Variants in DAB1 observed in about 807,000 individuals in gnomAD.
DAB1 encodes disabled homolog 1.
Under a neutral mutation model 64.6 loss-of-function variants are expected in DAB1, and 15 were observed. The observed-to-expected ratio is 0.23, with a 90% CI of 0.16 to 0.36. The LOEUF is 0.36. Among genes scored for constraint, DAB1 ranks in the 10% least tolerant of loss-of-function variants. The probability of loss-of-function intolerance (pLI) is 1.00; values close to 1 mark genes in which losing one functional copy is unlikely to be tolerated. For synonymous variants in DAB1, 235 were observed against 251.9 expected (o/e 0.93, Z 0.64); for missense variants, 596 against 706.7 (o/e 0.84, Z 1.78).
At chr1:58,512,969 T>C (rs1646104567) in intron 2 of DAB1, among the ~76,000 whole-genome samples, 1 of 152,164 alleles carries the variant, frequency 6.6e-6, no homozygotes, top group Admixed American at 6.5e-5. Flanking sequence ...AATACTCAGT[T>C]TATCACAAGT....
intron 5 of DAB1, among the ~76,000 whole-genome samples, chr1:58,031,066 T>G (rs2100479580): frequency 6.6e-6 from 1 of 152,144 alleles, no homozygotes; most frequent in South Asian, 2.1e-4. Context: ...TTGAGCTGGG[T>G]TTTGAAGGTT....
At chr1:58,013,087 C>T (rs1017347133) in intron 5 of DAB1, among the ~76,000 whole-genome samples, 2 of 152,162 alleles carry the variant, frequency 1.3e-5, no homozygotes, top group African/African-American at 4.8e-5. Flanking sequence ...GGGTTCTGGA[C>T]AGTGGAACAC....
intron 1 of DAB1, among the ~76,000 whole-genome samples, chr1:57,419,430 T>C (rs530004493): frequency 3.3e-5 from 5 of 151,318 alleles, no homozygotes; most frequent in Non-Finnish European, 1.5e-5. Flanking sequence ...AATTTTAACA[T>C]GATGTGTACT....
chr1:58,224,437 T>C lies in DAB1; in HGVS notation n.310-73849A>G, dbSNP rs769143687. ...AAAACAATGATGCTTATTGATAAGA[T>C]GAACAGCAACAATGCTTTATTTCTC... is the stretch of plus-strand genomic sequence containing the variant. On this transcript the variant is annotated intron_variant and non_coding_transcript_variant, in intron 4 of 20. Transcript: ENST00000485760. 9.6e-4 allele frequency among the ~76,000 whole-genome samples: 146 copies of C among 152,340 alleles called. 1 individual carries two copies. The highest frequency in any genetic ancestry group is 1.8e-3 in the Non-Finnish European group (120 of 68,026).
At chr1:58,334,631 T>TATC (rs1557734048) in intron 4 of DAB1, among the ~76,000 whole-genome samples, 11 of 83,222 alleles carry the variant, frequency 1.3e-4, no homozygotes, top group Middle Eastern at 5.6e-3. Context: ...TATATTATAT[T>TATC]ATATCATATC....
chr1:58,358,691 A>G (rs1448893093), intron 3 of DAB1, among the ~76,000 whole-genome samples: 1 of 152,230 alleles, frequency 6.6e-6, no homozygotes, highest in Admixed American at 6.5e-5. Flanking sequence ...CAGCCTCCCA[A>G]CTGAGAACTG....
At chr1:57,398,520 C>T (rs543479902) in intron 1 of DAB1, among the ~76,000 whole-genome samples, 1 of 152,200 alleles carries the variant, frequency 6.6e-6, no homozygotes, top group South Asian at 2.1e-4. Context: ...TATTTTTCTC[C>T]CCTTTGGGAA....
chr1:57,013,128 C>G (rs1240195800), intron 12 of DAB1, among the ~76,000 whole-genome samples: 2 of 152,246 alleles, frequency 1.3e-5, no homozygotes, highest in Non-Finnish European at 2.9e-5. Context: ...GCCTCTGAAA[C>G]AAAGAATTAT....
intron 3 of DAB1, among the ~76,000 whole-genome samples, chr1:58,504,059 CCT>C (rs1645948894): frequency 6.6e-6 from 1 of 152,132 alleles, no homozygotes. Context: ...AAAAAGTCTC[CCT>C]GACTCCACCG....
chr1:58,119,966 C>A (rs1652636715), intron 5 of DAB1, among the ~76,000 whole-genome samples: 1 of 152,168 alleles, frequency 6.6e-6, no homozygotes, highest in African/African-American at 2.4e-5. Flanking sequence ...TCCTTCCCAC[C>A]CTATCCCCAC....
chr1:57,056,692 C>CT (rs1302903203), intron 9 of DAB1, among the ~76,000 whole-genome samples: 2 of 151,256 alleles, frequency 1.3e-5, no homozygotes, highest in Non-Finnish European at 2.9e-5. Flanking sequence ...TGGTGAAACC[C>CT]ATCTCTACTA....
At chr1:57,375,824 A>G (rs1034608551) in intron 1 of DAB1, among the ~76,000 whole-genome samples, 3 of 152,202 alleles carry the variant, frequency 2.0e-5, no homozygotes, top group Admixed American at 2.0e-4. Flanking sequence ...TGCCTGGCAA[A>G]CAGTAGGTAT....
intron 5 of DAB1, among the ~76,000 whole-genome samples, chr1:58,002,771 A>C (rs559856640): frequency 1.3e-5 from 2 of 152,322 alleles, no homozygotes; most frequent in African/African-American, 4.8e-5. Context: ...ATATGTCATA[A>C]ATAAACAAGC....
At chr1:57,483,885 T>A (rs879507420) in intron 7 of DAB1, among the ~76,000 whole-genome samples, 3 of 152,184 alleles carry the variant, frequency 2.0e-5, no homozygotes, top group Non-Finnish European at 4.4e-5. Context: ...AGACAGATCA[T>A]CATATCCCTG....
At chr1:58,086,165 G>A (rs985485125) in intron 5 of DAB1, among the ~76,000 whole-genome samples, 2 of 151,040 alleles carry the variant, frequency 1.3e-5, no homozygotes, top group African/African-American at 2.4e-5. Flanking sequence ...GGGTTTCACC[G>A]TTTTAGCCGG....
rs145436186 is a variant in DAB1 at position 57,057,366 on chromosome 1, A to G, written c.723+5518T>C. Among the ~76,000 whole-genome samples the G allele has an allele frequency of 4.6e-4, 70 of 152,152 alleles. No homozygotes were observed. In the East Asian group the frequency reaches 7.7e-3, roughly 17 times the overall value. On this transcript the variant is annotated intron_variant, in intron 9 of 14. Transcript: ENST00000371236. ...TATTATATTGTTATATAAAATTTTAATTTTTAAAAAGAAAGTCTGTAGCCA... is the reference window on the plus strand; with the variant it reads ...TATTATATTGTTATATAAAATTTTAGTTTTTAAAAAGAAAGTCTGTAGCCA...
intron 5 of DAB1, among the ~76,000 whole-genome samples, chr1:57,919,567 G>C (rs150910890): frequency 1.4e-4 from 21 of 152,282 alleles, no homozygotes; most frequent in African/African-American, 4.3e-4. Flanking sequence ...GACCACCTGG[G>C]TTCCTATCCT....
chr1:57,201,382 G>C (rs1054508353), intron 2 of DAB1, among the ~76,000 whole-genome samples: 3 of 151,228 alleles, frequency 2.0e-5, no homozygotes, highest in Admixed American at 2.0e-4. Context: ...TAAGACCCAG[G>C]ACACACTTCT....
intron 6 of DAB1, 196 bp from the exon 7 acceptor site, chr1:57,071,257 C>T (rs1651431507): frequency 6.1e-6 from 4 of 659,906 alleles, no homozygotes; most frequent in South Asian, 2.0e-5. Flanking sequence ...CTGTTAACAA[C>T]AGCAAAAGCA....
Sources: allele counts gnomAD v4.1 joint callset (sites outside exome capture counted in the v4.1 genomes callset), GRCh38; gene constraint gnomAD v4.1.1; transcripts MANE v1.5; gene names NCBI Gene and HGNC (gene_info 2026-07-23, HGNC 2026-07-21).